Variants in DPP10 observed in about 807,000 individuals in gnomAD.
The protein encoded by DPP10 is dipeptidyl peptidase like 10.
In DPP10, 33 loss-of-function variants were observed where a neutral mutation model predicts 120.9. The observed-to-expected ratio is 0.27, with a 90% CI of 0.21 to 0.37. The LOEUF (loss-of-function observed/expected upper bound fraction) is 0.37. Among genes scored for constraint, DPP10 ranks in the 10% least tolerant of loss-of-function variants. The probability of loss-of-function intolerance (pLI) is 1.00; values close to 1 mark genes in which losing one functional copy is unlikely to be tolerated. For missense variants in DPP10, 816 were observed against 942.8 expected, an observed-to-expected ratio of 0.87 and a Z score of 1.76; for synonymous variants, 337 against 326.1, an observed-to-expected ratio of 1.03 and a Z score of -0.36.
intron 12 of DPP10, among the ~76,000 whole-genome samples, chr2:115,766,693 G>A (rs1275993608): frequency 6.6e-6 from 1 of 152,124 alleles, no homozygotes; most frequent in Non-Finnish European, 1.5e-5. Flanking sequence ...AGGCTGTACA[G>A]AAGCATAGTA....
chr2:115,406,919 C>A (rs2068551642), intron 3 of DPP10, among the ~76,000 whole-genome samples: 1 of 152,080 alleles, frequency 6.6e-6, no homozygotes, highest in South Asian at 2.1e-4. Context: ...ATGAAAAATA[C>A]TATTGTTGTA....
chr2:115,364,105 G>A (rs147142136), intron 3 of DPP10, among the ~76,000 whole-genome samples: 112 of 152,136 alleles, frequency 7.4e-4, no homozygotes, highest in Middle Eastern at 6.8e-3. Flanking sequence ...CCTAGGTGGC[G>A]TCTAGGTTCA....
chr2:115,772,460 T>G (rs1681589756), intron 13 of DPP10, among the ~76,000 whole-genome samples: 1 of 152,150 alleles, frequency 6.6e-6, no homozygotes, highest in South Asian at 2.1e-4. Flanking sequence ...AAGCAAAATT[T>G]GTGAGTGTTT....
intron 3 of DPP10, among the ~76,000 whole-genome samples, chr2:115,435,820 G>A (rs1035348455): frequency 7.2e-5 from 11 of 151,854 alleles, no homozygotes; most frequent in African/African-American, 2.2e-4. Flanking sequence ...AGTTTCATAT[G>A]TTCATGTCTT....
chr2:115,336,595 C>CTG (rs1406903802), intron 2 of DPP10, among the ~76,000 whole-genome samples: 1 of 150,108 alleles, frequency 6.7e-6, no homozygotes, highest in Non-Finnish European at 1.5e-5. Context: ...CTCTCTCTCT[C>CTG]TCTCTATATA....
At chr2:114,952,569 G>T (rs1240786777) in intron 1 of DPP10, among the ~76,000 whole-genome samples, 1 of 150,550 alleles carries the variant, frequency 6.6e-6, no homozygotes, top group Non-Finnish European at 1.5e-5. Context: ...ATGAAACTTC[G>T]ATCTCTAAAA....
chr2:114,962,563 T>C (rs1698721920), intron 1 of DPP10, among the ~76,000 whole-genome samples: 1 of 152,206 alleles, frequency 6.6e-6, no homozygotes, highest in Non-Finnish European at 1.5e-5. Context: ...ATAAATATTA[T>C]TGATAGGCAG....
intron 1 of DPP10, among the ~76,000 whole-genome samples, chr2:114,561,041 G>T (rs1688721301): frequency 6.6e-6 from 1 of 152,146 alleles, no homozygotes; most frequent in Non-Finnish European, 1.5e-5. Flanking sequence ...TCTGAGGAGA[G>T]CCACAGCACC....
chr2:114,478,969 C>T (rs1294919962), intron 1 of DPP10, among the ~76,000 whole-genome samples: 2 of 46,912 alleles, frequency 4.3e-5, no homozygotes, highest in African/African-American at 1.8e-4. Context: ...ATAAATTAAG[C>T]ATGTACAGAA....
chr2:115,839,713 A>G (rs1251133863), intron 24 of DPP10, among the ~76,000 whole-genome samples: 1 of 151,724 alleles, frequency 6.6e-6, no homozygotes, highest in African/African-American at 2.4e-5. Flanking sequence ...CATGAGTTAC[A>G]GAAATCTGAA....
At position 115,782,433 on chromosome 2, in the gene DPP10, T is replaced by C. The variant is rs752609689; in HGVS notation, c.1531+34T>C. Reference sequence around the variant, plus strand: ...ACAAGAAGACAATTAAGAATAGTTATGGTTGGCATTAGTCTTAGACATCGT... The same window carrying C: ...ACAAGAAGACAATTAAGAATAGTTACGGTTGGCATTAGTCTTAGACATCGT... On this transcript the variant is annotated intron_variant, in intron 17 of 25. Transcript: ENST00000410059. 1.2e-4 allele frequency: 187 copies of C among 1,579,064 alleles called. 1 individual carries two copies. The highest frequency in any genetic ancestry group is 2.2e-5 in the East Asian group (1 of 44,660).
intron 3 of DPP10, among the ~76,000 whole-genome samples, chr2:115,356,597 A>T (rs1190925674): frequency 6.6e-6 from 1 of 152,102 alleles, no homozygotes. Context: ...TATCTTGAAT[A>T]GGGGTAGTGA....
intron 1 of DPP10, among the ~76,000 whole-genome samples, chr2:114,696,761 A>AGGTGAAT (rs1397197593): frequency 6.6e-6 from 1 of 151,884 alleles, no homozygotes; most frequent in Non-Finnish European, 1.5e-5. Context: ...CAAGGTGGAG[A>AGGTGAAT]GGTGAATGAA....
At chr2:115,430,410 T>A (rs1275386626) in intron 3 of DPP10, among the ~76,000 whole-genome samples, 1 of 152,150 alleles carries the variant, frequency 6.6e-6, no homozygotes, top group Admixed American at 6.6e-5. Flanking sequence ...AAAACAAGTT[T>A]ATCTGTGAAT....
intron 1 of DPP10, chr2:115,162,212 C>T (rs1257016264): frequency 6.4e-7 from 1 of 1,556,592 alleles, no homozygotes; most frequent in Non-Finnish European, 8.7e-7. Flanking sequence ...CCTCTGCGTG[C>T]GCTCCGGGGC....
intron 3 of DPP10, among the ~76,000 whole-genome samples, chr2:115,376,594 A>G (rs981422255): frequency 2.4e-4 from 36 of 151,308 alleles, no homozygotes; most frequent in Non-Finnish European, 4.0e-4. Context: ...GTACATGTGC[A>G]CAATGTGCAG....
chr2:114,677,556 C>T (rs202146446), intron 1 of DPP10, among the ~76,000 whole-genome samples: 10 of 152,066 alleles, frequency 6.6e-5, no homozygotes, highest in South Asian at 2.1e-4. Flanking sequence ...GTCCTCACAA[C>T]GGTCCACTGA....
intron 8 of DPP10, among the ~76,000 whole-genome samples, chr2:115,729,699 C>G (rs1374441111): frequency 6.6e-6 from 1 of 152,174 alleles, no homozygotes; most frequent in South Asian, 2.1e-4. Flanking sequence ...TGCTTGAGCT[C>G]GGGAGTTGAA....
At chr2:114,658,216 C>A (rs2105526964) in intron 1 of DPP10, among the ~76,000 whole-genome samples, 1 of 152,214 alleles carries the variant, frequency 6.6e-6, no homozygotes, top group East Asian at 1.9e-4. Context: ...TTTGAGTTGA[C>A]TTTGAAGCAC....
Sources: gnomAD v4.1 joint callset for allele counts (sites outside exome capture counted in the v4.1 genomes callset) on GRCh38, gnomAD v4.1.1 for gene constraint, MANE v1.5 for transcripts, NCBI Gene and HGNC (gene_info 2026-07-23, HGNC 2026-07-21) for gene names.